ITGA8: variants seen among roughly 807,000 people sequenced by gnomAD.
ITGA8 encodes the protein integrin alpha-8.
ITGA8 carries 91 observed loss-of-function variants against 142.3 expected under a neutral mutation model. The ratio of observed to expected loss-of-function variants is 0.64; its 90% CI spans 0.54 to 0.76. ITGA8 has a LOEUF of 0.76. Among genes scored for constraint, ITGA8 ranks in the 30% least tolerant of loss-of-function variants. The pLI is 0.00. For missense variants in ITGA8, 1,406 were observed against 1,327.7 expected, an observed-to-expected ratio of 1.06 and a Z score of -0.92; for synonymous variants, 505 against 485.2, an observed-to-expected ratio of 1.04 and a Z score of -0.54.
intron 21 of ITGA8, among the ~76,000 whole-genome samples, chr10:15,595,168 T>A (rs1486603408): frequency 6.6e-6 from 1 of 152,210 alleles, no homozygotes; most frequent in African/African-American, 2.4e-5. Flanking sequence ...AACTTCTGAA[T>A]ACTATCTTGA....
chr10:15,638,979 A>G (rs558798946), intron 13 of ITGA8, among the ~76,000 whole-genome samples: 2 of 152,114 alleles, frequency 1.3e-5, no homozygotes, highest in Admixed American at 1.3e-4. Flanking sequence ...AAATCAAAAA[A>G]TTAGCCAGGT....
intron 9 of ITGA8, among the ~76,000 whole-genome samples, chr10:15,660,399 C>T (rs928703174): frequency 2.0e-5 from 3 of 152,198 alleles, no homozygotes; most frequent in Non-Finnish European, 4.4e-5. Context: ...GACTTATTTT[C>T]CTTCCTTTTC....
At chr10:15,626,215 A>T (rs1564380542) in intron 13 of ITGA8, among the ~76,000 whole-genome samples, 1 of 151,916 alleles carries the variant, frequency 6.6e-6, no homozygotes, top group African/African-American at 2.4e-5. Context: ...GGAGAGAGAG[A>T]TGTTCTTTCT....
chr10:15,687,321 A>G (rs1173103445), intron 3 of ITGA8, among the ~76,000 whole-genome samples: 1 of 152,134 alleles, frequency 6.6e-6, no homozygotes, highest in Non-Finnish European at 1.5e-5. Flanking sequence ...ACTAAAAAAG[A>G]CTTCCAGATT....
chr10:15,655,791 GAAAAT>G (rs1254719210), intron 10 of ITGA8, among the ~76,000 whole-genome samples: 1 of 152,108 alleles, frequency 6.6e-6, no homozygotes, highest in Non-Finnish European at 1.5e-5. Flanking sequence ...GATGTTGTAT[GAAAAT>G]ATTTTCAGGC....
intron 25 of ITGA8, among the ~76,000 whole-genome samples, chr10:15,569,417 G>A (rs1834138454): frequency 6.6e-6 from 1 of 152,172 alleles, no homozygotes. Flanking sequence ...TTCTTGTAAA[G>A]AAACTGTAGA....
chr10:15,597,125 G>A (rs1833022927), intron 21 of ITGA8, 82 bp downstream of exon 21: 5 of 1,076,104 alleles, frequency 4.6e-6, no homozygotes, highest in Non-Finnish European at 7.2e-6. Flanking sequence ...GAGTTGCTGA[G>A]TGGTAACTGG....
In ITGA8 at chr10:15,616,513, C is replaced by T. The variant is rs377187024; in HGVS notation, c.1445+1G>A. The T allele has an allele frequency of 2.5e-6, 4 of 1,607,492 alleles. No individual in the cohort carries two copies. In the African/African-American group the frequency reaches 5.3e-5, roughly 21 times the overall value. On this transcript the variant is annotated splice_donor_variant, in intron 14 of 29. Coordinates refer to ENST00000378076, the MANE Select transcript of ITGA8 (RefSeq NM_003638.3). LOFTEE classifies it high-confidence loss of function. ...ACATTTGAATACTACCAACCACATA[C>T]CTGTAAACAGCGACTTTTCCTGTTC...
intron 2 of ITGA8, among the ~76,000 whole-genome samples, chr10:15,715,479 C>A (rs1015788185): frequency 6.6e-6 from 1 of 152,152 alleles, no homozygotes; most frequent in Non-Finnish European, 1.5e-5. Context: ...AAGCAGGCTG[C>A]GAACTGGGCA....
chr10:15,634,984 AT>A (rs1418559977), intron 13 of ITGA8, among the ~76,000 whole-genome samples: 2 of 135,060 alleles, frequency 1.5e-5, no homozygotes, highest in Admixed American at 7.5e-5. Flanking sequence ...TTCACTAAAT[AT>A]TTTTTCTTTC....
intron 21 of ITGA8, among the ~76,000 whole-genome samples, chr10:15,594,075 C>G (rs1481434298): frequency 6.6e-6 from 1 of 151,978 alleles, no homozygotes; most frequent in African/African-American, 2.4e-5. Flanking sequence ...CTCCTGACCT[C>G]ATGATCCGCC....
chr10:15,607,814 G>T lies in ITGA8; in HGVS notation c.1627C>A (p.Gln543Lys), dbSNP rs1225496826. Reference sequence around the variant, plus strand: ...CCTTTCTGTTTCAGGGAATCTAATTGCACCTCTGCCATCAAGACTAAAGGA... The same window carrying T: ...CCTTTCTGTTTCAGGGAATCTAATTTCACCTCTGCCATCAAGACTAAAGGA... ...ANTIVLMAEV[Q>K]LDSLKQKGAI... The change falls in exon 17 of 30, where the codon CAA becomes AAA. Residue 543 changes from glutamine to lysine, a missense_variant. Gln to Lys is a moderately conservative substitution (Grantham distance 53, BLOSUM62 1). Transcript: ENST00000378076. 1 of 1,613,150 alleles carries T rather than the reference G, an allele frequency of 6.2e-7. No homozygotes were observed. Among genetic ancestry groups the T allele is most frequent in the Admixed American group, 1.7e-5 (1 of 59,994 alleles).
chr10:15,693,439 T>C (rs1010939021), intron 2 of ITGA8, among the ~76,000 whole-genome samples: 2 of 152,220 alleles, frequency 1.3e-5, no homozygotes, highest in Admixed American at 6.5e-5. Flanking sequence ...TTTTGACATG[T>C]TAGTAGAAAA....
chr10:15,669,176 C>T (rs1834459055), intron 8 of ITGA8, among the ~76,000 whole-genome samples: 1 of 152,208 alleles, frequency 6.6e-6, no homozygotes. Context: ...TAGATTTGGT[C>T]TTTTCACATA....
Position 15,644,259 on chromosome 10 carries a change from TATTTA to T in ITGA8, c.1208-43_1208-39del, listed in dbSNP as rs9333142. ...ATAAAACATGTTTTATGTGTATATGTATTTAATTCTTCATTTGTTCATTTTAGAGA... is the reference window on the plus strand; with the variant it reads ...ATAAAACATGTTTTATGTGTATATGTATTCTTCATTTGTTCATTTTAGAGA... On this transcript the variant is annotated intron_variant, in intron 12 of 29. Transcript: ENST00000378076. 11,660 of 1,560,756 alleles carry T rather than the reference TATTTA, an allele frequency of 7.5e-3. 629 individuals are homozygous for T. In the African/African-American group the frequency reaches 0.13, roughly 17 times the overall value.
rs779136750 is a variant in ITGA8, at chr10:15,606,310, T to C, written c.1877A>G (p.Tyr626Cys). 1.0e-4 allele frequency: 168 copies of C among 1,611,544 alleles called. No individual in the cohort carries two copies. The highest frequency in any genetic ancestry group is 4.0e-4 in the Admixed American group (24 of 59,956). The stretch of plus-strand genomic sequence containing the variant: ...CTGTTCACTAACAATGTTTTCTCTG[T>C]AGTAGTTCAATATTGGTTTCACTTC... ...GLEVKPILNY[Y>C]RENIVSEQAH... The change falls in exon 18 of 30, where the codon TAC (tyrosine) becomes TGC (cysteine). Residue 626 changes from tyrosine to cysteine, a missense_variant. Tyr to Cys is a radical substitution (Grantham distance 194). Coordinates refer to ENST00000378076, the MANE Select transcript of ITGA8 (RefSeq NM_003638.3).
chr10:15,571,346 C>A (rs1422881962), intron 25 of ITGA8, among the ~76,000 whole-genome samples: 2 of 152,212 alleles, frequency 1.3e-5, no homozygotes, highest in Non-Finnish European at 2.9e-5. Context: ...AATAGAGACA[C>A]TGTGTCCTGG....
chr10:15,579,083 C>T (rs193263012), intron 23 of ITGA8, among the ~76,000 whole-genome samples: 29 of 152,024 alleles, frequency 1.9e-4, no homozygotes, highest in East Asian at 1.2e-3. Flanking sequence ...AATAAAGTTC[C>T]GGGAGACGGA....
At position 15,684,108 on chromosome 10, in the gene ITGA8, T is replaced by C; in HGVS notation, c.464A>G (p.His155Arg). Residue 155 changes from histidine (H) to arginine (R), a missense_variant, in exon 4 of 30, where the codon CAC becomes CGC. By Grantham distance (29) the His-to-Arg change is conservative. Transcript: ENST00000378076. Reference protein sequence around the residue: ...GKVVACAPLYHWRTLKPTPEK... With the variant: ...GKVVACAPLYRWRTLKPTPEK... ...TGGTGTCGGTTTAAGAGTTCTCCAG[T>C]GATATAAAGGAGCACAGGCCTAGGA... 1 of 1,613,982 alleles carries C rather than the reference T, an allele frequency of 6.2e-7. No homozygotes were observed. The highest frequency in any genetic ancestry group is 8.5e-7 in the Non-Finnish European group (1 of 1,179,944).
Sources: allele counts gnomAD v4.1 joint callset (sites outside exome capture counted in the v4.1 genomes callset), GRCh38; gene constraint gnomAD v4.1.1; transcripts MANE v1.5; gene names NCBI Gene and HGNC (gene_info 2026-07-23, HGNC 2026-07-21).